GUCY1B1: variants seen among roughly 807,000 people sequenced by gnomAD.
The protein encoded by GUCY1B1 is guanylate cyclase 1 soluble subunit beta 1.
GUCY1B1 carries 43 observed loss-of-function variants against 71.0 expected under a neutral mutation model. That is an observed-to-expected ratio of 0.61 (90% CI 0.47 to 0.78). The LOEUF is 0.78. Ranked by LOEUF, GUCY1B1 falls within the 30% of genes least tolerant of loss-of-function variation. The pLI is 0.00. For missense variants in GUCY1B1, 535 were observed against 754.1 expected (o/e 0.71, Z 3.40); for synonymous variants, 266 against 259.7 (o/e 1.02, Z -0.23).
rs920572569 is a variant in GUCY1B1 at position 155,802,345 on chromosome 4, G to A, written c.1179G>A (p.Leu393=). The A allele has an allele frequency of 3.1e-6, 5 of 1,613,638 alleles. No homozygotes were observed. In the African/African-American group the frequency reaches 6.7e-5, roughly 22 times the overall value. Residue 393 remains leucine (L), a synonymous_variant, in exon 10 of 14, where the codon TTG becomes TTA. Coordinates refer to ENST00000264424, the MANE Select transcript of GUCY1B1 (RefSeq NM_000857.5). This position sits in a 1 kb window ranked among gnomAD's most constrained non-coding sequence, Gnocchi z 4.3. ...TTCTGCTGATCCCACTGAACAGATT[G>A]CTGTATTCTGTCCTTCCTCCGTCTG... is the stretch of plus-strand genomic sequence containing the variant. ...LEDEKKKTDT[L]LYSVLPPSVA...
rs541557519 is a variant in GUCY1B1, at chr4:155,759,856, A to G, written c.73A>G (p.Ile25Val). 1.2e-6 allele frequency: 2 copies of G among 1,610,904 alleles called. No homozygotes were observed. The highest frequency in any genetic ancestry group is 1.1e-5 in the South Asian group (1 of 90,974). ...TTACGGCCCCGAGGTGTGGGAAGAC[A>G]TCAAGTAAGTGGCCGGCTACCCTGG... ...RNYGPEVWEDIKKEAQLDEEG... is the reference protein window; with the variant it reads ...RNYGPEVWEDVKKEAQLDEEG... Residue 25 changes from isoleucine to valine, a missense_variant, in exon 2 of 14, where the codon ATC becomes GTC. Ile to Val is a conservative substitution (Grantham distance 29). Coordinates refer to ENST00000264424, the MANE Select transcript of GUCY1B1 (RefSeq NM_000857.5).
At chr4:155,806,364 T>C (rs866496193) in intron 13 of GUCY1B1, 22 bp from the exon 14 acceptor site, 5 of 1,558,146 alleles carry the variant, frequency 3.2e-6, no homozygotes, top group Middle Eastern at 1.7e-4. Flanking sequence ...AATCAATCCC[T>C]CTTTTCTTCT....
Position 155,775,052 on chromosome 4 carries a change from T to C in GUCY1B1, c.162T>C (p.Ala54=). Residue 54 remains alanine (A), a synonymous_variant, in exon 3 of 14, where the codon GCT becomes GCC. Transcript: ENST00000264424. ...CCAAAACTTATGATTTGGTTGCTGC[T>C]GCAAGCAAAGTCCTCAGTAAGTTGA... ...DDSKTYDLVA[A]ASKVLNLNAG... 1 of 1,585,230 alleles carries C rather than the reference T, an allele frequency of 6.3e-7. No individual in the cohort carries two copies. Among genetic ancestry groups the C allele is most frequent in the Non-Finnish European group, 8.7e-7 (1 of 1,154,174 alleles).
chr4:155,781,812 A>T (rs1388094723), intron 4 of GUCY1B1, among the ~76,000 whole-genome samples: 1 of 152,082 alleles, frequency 6.6e-6, no homozygotes, highest in East Asian at 1.9e-4. Flanking sequence ...CTGATGAAAA[A>T]AGTAATAATC....
intron 1 of GUCY1B1, chr4:155,759,404 G>A: frequency 3.7e-6 from 2 of 545,168 alleles, no homozygotes; most frequent in Non-Finnish European, 6.4e-6. Context: ...GGAAGGGGAG[G>A]TGCGGCGGAG....
In GUCY1B1 at chr4:155,797,735, A is replaced by AAATT. The variant is rs1554013183; in HGVS notation, c.977+1228_977+1229insTAAT. On this transcript the variant is annotated intron_variant, in intron 8 of 13. Coordinates refer to ENST00000264424, the MANE Select transcript of GUCY1B1 (RefSeq NM_000857.5). ...GGCAACAGAGCAAGACACTGTCTCA[A>AAATT]AATAATAATAATAATAATAATAATA... Among the ~76,000 whole-genome samples the AAATT allele has an allele frequency of 1.8e-4, 26 of 144,984 alleles. No homozygotes were observed. The East Asian group carries it at 4.2e-3, about 23-fold the overall frequency.
chr4:155,795,475 T>G lies in GUCY1B1; in HGVS notation c.843+18T>G, dbSNP rs1739482510. On this transcript the variant is annotated intron_variant, in intron 7 of 13. Transcript: ENST00000264424. ...GAAGCAAGGTAATCAAGATATTATTTCATTAAATGTGAGAAAGGTATGTCA... is the reference window on the plus strand; with the variant it reads ...GAAGCAAGGTAATCAAGATATTATTGCATTAAATGTGAGAAAGGTATGTCA... The G allele has an allele frequency of 2.6e-6, 3 of 1,143,902 alleles. No individual in the cohort carries two copies. The highest frequency in any genetic ancestry group is 3.1e-5 in the African/African-American group (2 of 65,348). 70.9% of individuals were successfully genotyped at this position (1,143,902 alleles called of 1,614,324 possible). A position where few individuals can be genotyped will look rare whatever the true frequency, so the allele number is the denominator to read the frequency against.
chr4:155,789,683 T>A (rs1334967811), intron 4 of GUCY1B1, 31 bp from the exon 5 acceptor site: 2 of 1,333,236 alleles, frequency 1.5e-6, no homozygotes, highest in Middle Eastern at 3.7e-4. Context: ...GAAAGCATTG[T>A]TTATTGGTCT....
At position 155,802,789 on chromosome 4, in the gene GUCY1B1, T is replaced by C. The variant is rs1579260496; in HGVS notation, c.1413+210T>C. Among the ~76,000 whole-genome samples, 1 of 152,208 alleles carries C rather than the reference T, an allele frequency of 6.6e-6. No homozygotes were observed. The highest frequency in any genetic ancestry group is 1.9e-4 in the East Asian group (1 of 5,204). The stretch of plus-strand genomic sequence containing the variant: ...CCTTGTAACCACAATGAATGTTTCA[T>C]GAAGTGGGTGATTCCCTGGTTAAAA... On this transcript the variant is annotated intron_variant, in intron 10 of 13. Coordinates refer to ENST00000264424, the MANE Select transcript of GUCY1B1 (RefSeq NM_000857.5). This position sits in a 1 kb window ranked among gnomAD's most constrained non-coding sequence, Gnocchi z 4.3.
chr4:155,801,458 A>G (rs1471592904), intron 9 of GUCY1B1, among the ~76,000 whole-genome samples: 1 of 152,214 alleles, frequency 6.6e-6, no homozygotes, highest in East Asian at 1.9e-4. Flanking sequence ...ATATAGCTTT[A>G]ATATTTCATA....
intron 2 of GUCY1B1, among the ~76,000 whole-genome samples, chr4:155,765,499 G>C (rs926996149): frequency 6.6e-5 from 10 of 152,126 alleles, no homozygotes; most frequent in Non-Finnish European, 1.3e-4. Flanking sequence ...ATCTTTTTCT[G>C]TGTCAAACTA....
At chr4:155,759,443 C>T (rs1736798750) in intron 1 of GUCY1B1, 1 of 531,862 alleles carries the variant, frequency 1.9e-6, no homozygotes, top group Non-Finnish European at 3.3e-6. Context: ...TCTGGCCGGC[C>T]CCACCAGTGT....
In GUCY1B1 at chr4:155,789,822, T is replaced by C; in HGVS notation, c.406T>C (p.Tyr136His). 6.2e-7 allele frequency: 1 copy of C among 1,610,892 alleles called. No homozygotes were observed. Among genetic ancestry groups the C allele is most frequent in the Non-Finnish European group, 8.5e-7 (1 of 1,177,058 alleles). Reference protein sequence around the residue: ...EKGKGLILHYYSEREGLQDIV... With the variant: ...EKGKGLILHYHSEREGLQDIV... ...GGGCAAAGGACTCATTTTGCACTAC[T>C]ACTCAGAGAGAGAAGGACTTCAGGA... Residue 136 changes from tyrosine to histidine, a missense_variant, in exon 5 of 14, where the codon TAC becomes CAC. Transcript: ENST00000264424.
intron 5 of GUCY1B1, 31 bp downstream of exon 5, chr4:155,789,942 C>G: frequency 7.5e-7 from 1 of 1,335,658 alleles, no homozygotes; most frequent in Non-Finnish European, 1.1e-6. Context: ...CTTCTGAACA[C>G]AGATGACATC....
chr4:155,771,624 G>A (rs1159270060), intron 2 of GUCY1B1, among the ~76,000 whole-genome samples: 1 of 152,104 alleles, frequency 6.6e-6, no homozygotes. Context: ...GATCAGTGTT[G>A]TTTCAAAATA....
chr4:155,774,849 CA>C (rs1737933580), intron 2 of GUCY1B1, 118 bp from the exon 3 acceptor site: 3 of 677,992 alleles, frequency 4.4e-6, no homozygotes, highest in South Asian at 1.7e-5. Flanking sequence ...CAAATTTGCC[CA>C]AAAAAACCAA....
At chr4:155,782,223 C>T (rs1332214099) in intron 4 of GUCY1B1, among the ~76,000 whole-genome samples, 1 of 152,022 alleles carries the variant, frequency 6.6e-6, no homozygotes, top group African/African-American at 2.4e-5. Context: ...CTACAGGCGC[C>T]CGCCACCACA....
intron 4 of GUCY1B1, 82 bp from the exon 5 acceptor site, chr4:155,789,631 CT>C: frequency 2.6e-6 from 2 of 772,402 alleles, no homozygotes; most frequent in South Asian, 3.5e-5. Context: ...TCCGATTTGA[CT>C]CGTTTTCATA....
chr4:155,759,844 G>A lies in GUCY1B1; in HGVS notation c.61G>A (p.Val21Met), dbSNP rs1477147477. Reference protein sequence around the residue: ...LLVIRNYGPEVWEDIKKEAQL... With the variant: ...LLVIRNYGPEMWEDIKKEAQL... ...GGTGATCCGCAATTACGGCCCCGAG[G>A]TGTGGGAAGACATCAAGTAAGTGGC... The change falls in exon 2 of 14, where the codon GTG (valine) becomes ATG (methionine). Residue 21 changes from valine (V) to methionine (M), a missense_variant. Coordinates refer to ENST00000264424, the MANE Select transcript of GUCY1B1 (RefSeq NM_000857.5). 1 of 1,612,642 alleles carries A rather than the reference G, an allele frequency of 6.2e-7. No individual in the cohort carries two copies. The highest frequency in any genetic ancestry group is 8.5e-7 in the Non-Finnish European group (1 of 1,179,084).
Sources: allele counts gnomAD v4.1 joint callset (sites outside exome capture counted in the v4.1 genomes callset), GRCh38; gene constraint gnomAD v4.1.1; non-coding constraint Gnocchi (gnomAD v3.1); transcripts MANE v1.5; gene names NCBI Gene and HGNC (gene_info 2026-07-23, HGNC 2026-07-21).